Variants in ADGRB3 observed in about 807,000 individuals in gnomAD.
ADGRB3 encodes brain-specific angiogenesis inhibitor 3.
In ADGRB3, 37 loss-of-function variants were observed where a neutral mutation model predicts 193.4. The ratio of observed to expected loss-of-function variants is 0.19; its 90% CI spans 0.15 to 0.25. ADGRB3 has a LOEUF of 0.25. Among genes scored for constraint, ADGRB3 ranks in the 10% least tolerant of loss-of-function variants. The pLI is 1.00. For synonymous variants in ADGRB3, 690 were observed against 644.2 expected (o/e 1.07, Z -1.08); for missense variants, 1,637 against 1,852.9 (o/e 0.88, Z 2.14).
At chr6:69,362,745 T>C (rs553470552) in intron 29 of ADGRB3, among the ~76,000 whole-genome samples, 9 of 152,040 alleles carry the variant, frequency 5.9e-5, no homozygotes, top group African/African-American at 2.2e-4. Flanking sequence ...GAAGCTCCCT[T>C]CTGAACAAAA....
chr6:69,094,943 A>G (rs1174178199), intron 17 of ADGRB3, among the ~76,000 whole-genome samples: 8 of 152,228 alleles, frequency 5.3e-5, no homozygotes, highest in Non-Finnish European at 5.9e-5. Context: ...AAGTTACATC[A>G]TAACTTTGAC....
chr6:69,310,285 G>T (rs1261873411), intron 20 of ADGRB3, among the ~76,000 whole-genome samples: 1 of 151,698 alleles, frequency 6.6e-6, no homozygotes, highest in Non-Finnish European at 1.5e-5. Flanking sequence ...AGCCAAAGGA[G>T]CTTAATAATA....
chr6:68,820,589 A>G (rs1003458992), intron 3 of ADGRB3, among the ~76,000 whole-genome samples: 4 of 151,886 alleles, frequency 2.6e-5, no homozygotes, highest in Non-Finnish European at 4.4e-5. Context: ...ACTAGCTCTT[A>G]TTTATTCTAT....
intron 20 of ADGRB3, among the ~76,000 whole-genome samples, chr6:69,255,135 C>A (rs1415327938): frequency 6.6e-6 from 1 of 151,926 alleles, no homozygotes; most frequent in Non-Finnish European, 1.5e-5. Flanking sequence ...GGTTCCAAGT[C>A]TTTGCTATTG....
At chr6:69,036,105 ATG>A (rs1770863796) in intron 13 of ADGRB3, among the ~76,000 whole-genome samples, 2 of 152,172 alleles carry the variant, frequency 1.3e-5, no homozygotes, top group Non-Finnish European at 1.5e-5. Flanking sequence ...TGTGTGAAGT[ATG>A]TCTTTCACTA....
chr6:69,257,457 T>A (rs888734942), intron 20 of ADGRB3, among the ~76,000 whole-genome samples: 2 of 152,230 alleles, frequency 1.3e-5, no homozygotes, highest in South Asian at 4.1e-4. Context: ...AAGGAATTTA[T>A]CCATTTCTTC....
chr6:69,324,671 T>C (rs1205353750), intron 20 of ADGRB3, among the ~76,000 whole-genome samples: 1 of 151,566 alleles, frequency 6.6e-6, no homozygotes, highest in Non-Finnish European at 1.5e-5. Flanking sequence ...GAAATTAGAC[T>C]TTTTTTTTCC....
chr6:68,770,771 T>C (rs554669953), intron 3 of ADGRB3, among the ~76,000 whole-genome samples: 1 of 152,254 alleles, frequency 6.6e-6, no homozygotes, highest in African/African-American at 2.4e-5. Context: ...CTGGATCCCA[T>C]AGATTGTGAT....
At chr6:69,277,098 C>T (rs1332934724) in intron 20 of ADGRB3, among the ~76,000 whole-genome samples, 3 of 150,896 alleles carry the variant, frequency 2.0e-5, no homozygotes, top group African/African-American at 4.9e-5. Flanking sequence ...CGGGTTCAAG[C>T]GATTCTCCTG....
intron 13 of ADGRB3, among the ~76,000 whole-genome samples, chr6:69,040,351 T>TTCTTTCTTTCTTTCTTTCTTTCTTTC (rs1554251276): frequency 1.5e-4 from 8 of 54,554 alleles, no homozygotes; most frequent in Non-Finnish European, 3.0e-4. Context: ...CTTTCTTTCT[T>TTCTTTCTTTCTTTCTTTCTTTCTTTC]TCTTTCTTTC....
chr6:69,181,320 A>T (rs1030772190), intron 17 of ADGRB3, among the ~76,000 whole-genome samples: 1 of 152,090 alleles, frequency 6.6e-6, no homozygotes, highest in Non-Finnish European at 1.5e-5. Flanking sequence ...TTTAATCATG[A>T]TCTATGTCCA....
intron 17 of ADGRB3, among the ~76,000 whole-genome samples, chr6:69,110,232 T>G (rs1209902391): frequency 6.6e-6 from 1 of 152,126 alleles, no homozygotes; most frequent in Non-Finnish European, 1.5e-5. Context: ...AGGCATGATG[T>G]TATTTTTTTA....
intron 3 of ADGRB3, among the ~76,000 whole-genome samples, chr6:68,722,235 G>A (rs752761385): frequency 4.0e-5 from 6 of 151,506 alleles, no homozygotes; most frequent in Non-Finnish European, 8.9e-5. Flanking sequence ...GAGAATGATG[G>A]TACACCACAT....
At chr6:69,245,123 A>C (rs375439466) in intron 20 of ADGRB3, among the ~76,000 whole-genome samples, 12 of 152,160 alleles carry the variant, frequency 7.9e-5, no homozygotes, top group Middle Eastern at 3.4e-3. Flanking sequence ...CTTCTCGCTC[A>C]TGGAGTAAAT....
intron 17 of ADGRB3, among the ~76,000 whole-genome samples, chr6:69,188,988 G>A (rs1186478801): frequency 6.6e-6 from 1 of 152,164 alleles, no homozygotes; most frequent in Non-Finnish European, 1.5e-5. Context: ...GTATTTTACA[G>A]TGTAAGAAAG....
chr6:69,371,669 G>T (rs1369983668), intron 29 of ADGRB3, among the ~76,000 whole-genome samples: 1 of 151,932 alleles, frequency 6.6e-6, no homozygotes, highest in African/African-American at 2.4e-5. Flanking sequence ...CCTGTTTTCT[G>T]GTTGTATCAG....
At chr6:68,647,839 C>T (rs1484230201) in intron 3 of ADGRB3, among the ~76,000 whole-genome samples, 1 of 151,990 alleles carries the variant, frequency 6.6e-6, no homozygotes, top group East Asian at 1.9e-4. Context: ...TATTTAAACA[C>T]TTGGAAAAAA....
At chr6:69,204,727 T>C (rs1765499605) in intron 17 of ADGRB3, among the ~76,000 whole-genome samples, 1 of 152,204 alleles carries the variant, frequency 6.6e-6, no homozygotes. Context: ...CATCTCCTAT[T>C]GCCACCGTTA....
chr6:69,082,377 A>T (rs1772412102), intron 17 of ADGRB3, among the ~76,000 whole-genome samples: 1 of 152,118 alleles, frequency 6.6e-6, no homozygotes, highest in African/African-American at 2.4e-5. Flanking sequence ...ACTTTTTGAA[A>T]TATAGATTCA....
Sources: allele counts gnomAD v4.1 joint callset (sites outside exome capture counted in the v4.1 genomes callset), GRCh38; gene constraint gnomAD v4.1.1; transcripts MANE v1.5; gene names NCBI Gene and HGNC (gene_info 2026-07-23, HGNC 2026-07-21).